TVP23C: variants seen among roughly 807,000 people sequenced by gnomAD.
TVP23C encodes Golgi apparatus membrane protein TVP23 homolog C.
Under a neutral mutation model 28.7 loss-of-function variants are expected in TVP23C, and 19 were observed. The ratio of observed to expected loss-of-function variants is 0.66; its 90% CI spans 0.46 to 0.97. The LOEUF (loss-of-function observed/expected upper bound fraction) is 0.97, where lower values mean the gene tolerates loss of function less well. TVP23C is among the 50% of genes least tolerant of loss of function. The pLI, the probability that TVP23C is intolerant of heterozygous loss-of-function variation, is 0.00. For missense variants in TVP23C, 186 were observed against 241.3 expected (o/e 0.77, Z 1.52); for synonymous variants, 68 against 81.7 (o/e 0.83, Z 0.90).
chr17:15,505,162 C>A (rs993463762), intron 5 of TVP23C, among the ~76,000 whole-genome samples: 2 of 152,174 alleles, frequency 1.3e-5, no homozygotes, highest in African/African-American at 4.8e-5. Context: ...GCAAACCTAT[C>A]CAGCAAAACA....
At chr17:15,555,244 C>A (rs776870103) in intron 2 of TVP23C, 38 bp downstream of exon 2, 2 of 1,613,876 alleles carry the variant, frequency 1.2e-6, no homozygotes, top group Non-Finnish European at 1.7e-6. Context: ...CAGAACAACA[C>A]TGGACACTAA....
At chr17:15,535,485 G>C (rs1983117930), downstream of TVP23C, among the ~76,000 whole-genome samples, 1 of 150,488 alleles carries the variant, frequency 6.6e-6, no homozygotes, top group East Asian at 1.9e-4. Flanking sequence ...CAGGCCAGTA[G>C]CTGAAAAGCT....
downstream of TVP23C, among the ~76,000 whole-genome samples, chr17:15,536,566 C>T (rs1983166474): frequency 6.6e-6 from 1 of 152,086 alleles, no homozygotes; most frequent in Admixed American, 6.5e-5. Context: ...GTAGCTCCTA[C>T]CACATGCATA....
At chr17:15,534,567 G>A (rs1372755766), downstream of TVP23C, among the ~76,000 whole-genome samples, 2 of 138,566 alleles carry the variant, frequency 1.4e-5, no homozygotes, top group African/African-American at 3.0e-5. Flanking sequence ...GAGTTAATGT[G>A]CCATCACTTC....
chr17:15,532,637 TAA>T (rs1375310102), downstream of TVP23C, among the ~76,000 whole-genome samples: 1 of 152,220 alleles, frequency 6.6e-6, no homozygotes, highest in Non-Finnish European at 1.5e-5. Context: ...TTCCAGAGTT[TAA>T]AAAAGTTTAT....
In TVP23C at chr17:15,551,265, A is replaced by ATTTT. The variant is rs1258749974; in HGVS notation, c.240+2416_240+2419dup. 1.3e-3 allele frequency among the ~76,000 whole-genome samples: 155 copies of ATTTT among 115,320 alleles called. 2 individuals are homozygous for ATTTT. Among genetic ancestry groups the ATTTT allele is most frequent in the African/African-American group, 4.5e-3 (136 of 30,132 alleles). 75.7% of individuals were successfully genotyped at this position (115,320 alleles called of 152,430 possible). On this transcript the variant is annotated intron_variant, in intron 3 of 5. Transcript: ENST00000518321. ...AGGCGCCTGCCACCATGCCCGGCTCATTTTTTTTTTTTTTTTTTTTTTAGC... is the reference window on the plus strand; with the variant it reads ...AGGCGCCTGCCACCATGCCCGGCTCATTTTTTTTTTTTTTTTTTTTTTTTTTAGC...
At chr17:15,558,768 A>C (rs11869512) in intron 1 of TVP23C, among the ~76,000 whole-genome samples, 1,657 of 148,656 alleles carry the variant, frequency 0.011, 41 homozygotes, top group African/African-American at 0.038. Flanking sequence ...CTCATTCTGG[A>C]CTTCTGACCA....
chr17:15,533,676 G>T (rs1983037300), downstream of TVP23C, among the ~76,000 whole-genome samples: 1 of 152,096 alleles, frequency 6.6e-6, no homozygotes, highest in Non-Finnish European at 1.5e-5. Context: ...CACACCATGG[G>T]GAACCATGGG....
Position 15,554,236 on chromosome 17 carries a change from C to CTT in TVP23C, c.96-409_96-408dup, listed in dbSNP as rs60423951. On this transcript the variant is annotated intron_variant, in intron 2 of 5. Transcript: ENST00000518321. ...AAGTTATCAGGTAGTTTGTTTGTTT[C>CTT]TTTTTTTTTTTTTTTTTTTGAGACG... Among the ~76,000 whole-genome samples, 499 of 125,356 alleles carry CTT rather than the reference C, an allele frequency of 4.0e-3. 6 individuals carry two copies. The highest frequency in any genetic ancestry group is 7.0e-3 in the East Asian group (29 of 4,166). 82.2% of individuals were successfully genotyped at this position (125,356 alleles called of 152,430 possible).
chr17:15,528,962 T>C (rs1358504395), intron 5 of TVP23C, among the ~76,000 whole-genome samples: 1 of 152,196 alleles, frequency 6.6e-6, no homozygotes, highest in Non-Finnish European at 1.5e-5. Flanking sequence ...CCTACTTCTA[T>C]GCATTATTAT....
intron 5 of TVP23C, among the ~76,000 whole-genome samples, chr17:15,505,187 A>AAAC (rs768795146): frequency 1.3e-5 from 2 of 152,190 alleles, no homozygotes; most frequent in Non-Finnish European, 2.9e-5. Flanking sequence ...AGGCAAAACA[A>AAAC]AACAACAACA....
At chr17:15,563,377 G>A (rs2150867014) in intron 1 of TVP23C, 60 bp downstream of exon 1, 3 of 1,557,376 alleles carry the variant, frequency 1.9e-6, no homozygotes, top group East Asian at 2.4e-5. Context: ...CCAGTCCCAC[G>A]GAACCTGCAG....
chr17:15,545,096 C>T (rs1983585042), intron 5 of TVP23C, among the ~76,000 whole-genome samples: 1 of 152,232 alleles, frequency 6.6e-6, no homozygotes, highest in Admixed American at 6.5e-5. Flanking sequence ...ACAAAGTCTT[C>T]TAGCACCTTC....
chr17:15,526,080 A>G (rs981659705), intron 5 of TVP23C, among the ~76,000 whole-genome samples: 13 of 152,176 alleles, frequency 8.5e-5, no homozygotes, highest in Admixed American at 1.3e-4. Context: ...ACCCGCTGCC[A>G]TATCACCTTG....
chr17:15,504,024 G>GA (rs35714519), intron 5 of TVP23C, among the ~76,000 whole-genome samples: 36,233 of 151,890 alleles, frequency 0.24, 4,678 homozygotes, highest in African/African-American at 0.34. Context: ...GGGACACTCA[G>GA]AAAAAAGAGC....
exon 6 of TVP23C, chr17:15,503,101 A>C: frequency 6.2e-7 from 1 of 1,614,064 alleles, no homozygotes; most frequent in Non-Finnish European, 8.5e-7. Context: ...TGTCTACCTG[A>C]TGAAACTTCC....
At chr17:15,552,701 A>G (rs1301661252) in intron 3 of TVP23C, among the ~76,000 whole-genome samples, 2 of 152,162 alleles carry the variant, frequency 1.3e-5, no homozygotes, top group Non-Finnish European at 2.9e-5. Flanking sequence ...AAAAGAATTA[A>G]AAGATCTAAA....
chr17:15,545,755 A>T, intron 5 of TVP23C, 30 bp downstream of exon 5: 1 of 1,595,388 alleles, frequency 6.3e-7, no homozygotes, highest in Non-Finnish European at 8.5e-7. Flanking sequence ...ATCTTAATGG[A>T]TTATTTGAAA....
chr17:15,506,295 C>A (rs1160506203), intron 5 of TVP23C, among the ~76,000 whole-genome samples: 1 of 150,902 alleles, frequency 6.6e-6, no homozygotes, highest in African/African-American at 2.4e-5. Context: ...CCTTGGAGAA[C>A]CTTTATGTCT....
Sources: gnomAD v4.1 joint callset for allele counts (sites outside exome capture counted in the v4.1 genomes callset) on GRCh38, gnomAD v4.1.1 for gene constraint, MANE v1.5 for transcripts, NCBI Gene and HGNC (gene_info 2026-07-23, HGNC 2026-07-21) for gene names.